ZEB2: variants seen among roughly 807,000 people sequenced by gnomAD.
The protein encoded by ZEB2 is zinc finger E-box-binding homeobox 2.
In ZEB2, 6 loss-of-function variants were observed where a neutral mutation model predicts 99.9. The observed-to-expected ratio is 0.06, with a 90% CI of 0.03 to 0.12. ZEB2 has a LOEUF of 0.12. Ranked by LOEUF, ZEB2 falls within the 10% of genes least tolerant of loss-of-function variation. The probability of loss-of-function intolerance (pLI) is 1.00; values close to 1 mark genes in which losing one functional copy is unlikely to be tolerated. For synonymous variants in ZEB2, 517 were observed against 542.5 expected, an observed-to-expected ratio of 0.95 and a Z score of 0.65; for missense variants, 969 against 1,502.8, an observed-to-expected ratio of 0.64 and a Z score of 5.87.
chr2:144,464,379 T>C (rs1322941761), intron 2 of ZEB2: 1 of 152,184 alleles, frequency 6.6e-6, no homozygotes, highest in Non-Finnish European at 1.5e-5. Flanking sequence ...CATCTTTATA[T>C]ATTTAAATCT....
chr2:144,465,984 A>AG (rs1273069342), intron 2 of ZEB2, among the ~76,000 whole-genome samples: 1 of 152,150 alleles, frequency 6.6e-6, no homozygotes, highest in Non-Finnish European at 1.5e-5. Context: ...CTAACTCTCC[A>AG]GGGCAGAACT....
At chr2:144,469,516 T>C (rs1336677604) in intron 2 of ZEB2, among the ~76,000 whole-genome samples, 1 of 152,176 alleles carries the variant, frequency 6.6e-6, no homozygotes, top group Admixed American at 6.5e-5. Context: ...AGGCTTTTTT[T>C]CCCTTAACCC....
intron 8 of ZEB2, among the ~76,000 whole-genome samples, chr2:144,397,521 G>C (rs1475943164): frequency 6.6e-6 from 1 of 152,186 alleles, no homozygotes. Context: ...GATTTGGTAA[G>C]AAGTCATGTG....
chr2:144,406,911 G>GGAA (rs772558081), intron 4 of ZEB2, among the ~76,000 whole-genome samples: 5 of 151,896 alleles, frequency 3.3e-5, no homozygotes, highest in Non-Finnish European at 5.9e-5. Context: ...TGGAGATGAA[G>GGAA]GAAGTGTCTG....
At chr2:144,510,537 A>T (rs1396421113) in intron 2 of ZEB2, among the ~76,000 whole-genome samples, 5 of 152,150 alleles carry the variant, frequency 3.3e-5, no homozygotes, top group Admixed American at 2.0e-4. Context: ...GGTGGCCATG[A>T]ATAGTACAGA....
chr2:144,400,290 T>G lies in ZEB2; in HGVS notation c.917-20A>C. The G allele has an allele frequency of 1.2e-6, 2 of 1,602,320 alleles. No homozygotes were observed. Among genetic ancestry groups the G allele is most frequent in the South Asian group, 2.2e-5 (2 of 90,830 alleles). On this transcript the variant is annotated intron_variant, in intron 7 of 9. Transcript: ENST00000627532. Reference sequence around the variant, plus strand: ...TTTCACCTAAAATGATAATTAAAATTACCGTTACATTTCCTTGATTAGATA... The same window carrying G: ...TTTCACCTAAAATGATAATTAAAATGACCGTTACATTTCCTTGATTAGATA...
chr2:144,473,878 A>G (rs1444478096), intron 2 of ZEB2, among the ~76,000 whole-genome samples: 2 of 152,228 alleles, frequency 1.3e-5, no homozygotes, highest in Non-Finnish European at 2.9e-5. Flanking sequence ...TCTTTAAAAA[A>G]TAAGATGTAC....
intron 2 of ZEB2, among the ~76,000 whole-genome samples, chr2:144,515,216 AC>A (rs1705111135): frequency 2.0e-5 from 3 of 151,702 alleles, no homozygotes; most frequent in Non-Finnish European, 2.9e-5. Context: ...AAAAAAAATG[AC>A]TGTTTAACAG....
chr2:144,469,557 C>T (rs1425133987), intron 2 of ZEB2, among the ~76,000 whole-genome samples: 1 of 152,084 alleles, frequency 6.6e-6, no homozygotes, highest in East Asian at 1.9e-4. Flanking sequence ...TCCTTCTAAC[C>T]AGAGTTCAGA....
chr2:144,456,432 CTTTCA>C lies in ZEB2; in HGVS notation c.74-26411_74-26407del, dbSNP rs1704122682. 4.6e-5 allele frequency among the ~76,000 whole-genome samples: 7 copies of C among 151,924 alleles called. No homozygotes were observed. In the South Asian group the frequency reaches 1.4e-3, roughly 31 times the overall value. On this transcript the variant is annotated intron_variant, in intron 2 of 9. Coordinates refer to ENST00000627532, the MANE Select transcript of ZEB2 (RefSeq NM_014795.4). ...ATATTCATAAATCCCTTTTTGGATTCTTTCATTTCAATTTTCTTCAAGCAATGAGA... is the reference window on the plus strand; with the variant it reads ...ATATTCATAAATCCCTTTTTGGATTCTTTCAATTTTCTTCAAGCAATGAGA...
At chr2:144,390,086 A>C (rs557561622) in intron 9 of ZEB2, 58 bp from the exon 10 acceptor site, 1 of 1,569,312 alleles carries the variant, frequency 6.4e-7, no homozygotes, top group African/African-American at 1.3e-5. Flanking sequence ...GTCTCTTTCC[A>C]CTAATTCTGT....
chr2:144,459,842 G>A (rs572875773), intron 2 of ZEB2, among the ~76,000 whole-genome samples: 3 of 152,266 alleles, frequency 2.0e-5, no homozygotes, highest in South Asian at 2.1e-4. Context: ...ATCTTGCTAC[G>A]TATGTATTCT....
At chr2:144,441,158 G>A (rs959405512) in intron 2 of ZEB2, among the ~76,000 whole-genome samples, 2 of 50,746 alleles carry the variant, frequency 3.9e-5, no homozygotes, top group Non-Finnish European at 8.4e-5. Flanking sequence ...TCTTCCTTTA[G>A]CTGCACGAGA....
intron 2 of ZEB2, among the ~76,000 whole-genome samples, chr2:144,498,072 T>TTATATATTATATAATATATATTAATAA (rs1704809876): frequency 3.2e-5 from 1 of 31,692 alleles, no homozygotes; most frequent in Non-Finnish European, 7.3e-5. Context: ...TATATTAATA[T>TTATATATTATATAATATATATTAATAA]TATATATTAT....
At chr2:144,512,066 T>A (rs1438838311) in intron 2 of ZEB2, 1 of 1,287,208 alleles carries the variant, frequency 7.8e-7, no homozygotes, top group Non-Finnish European at 1.0e-6. Flanking sequence ...AATTGCCCCC[T>A]TGTGGGAATG....
Position 144,387,187 on chromosome 2 carries a change from A to G in ZEB2, c.*2264T>C, listed in dbSNP as rs1187549991. 1 of 151,988 alleles carries G rather than the reference A, an allele frequency of 6.6e-6. No individual in the cohort carries two copies. The allele number at this position is 151,988 out of a possible 1,614,324, so 9.4% of individuals were successfully genotyped here. ...AATATGTTGTTCTTGCCAACTGGAA[A>G]TATCATACTCAAAATTTTAGCAAAT... On this transcript the variant is annotated 3_prime_UTR_variant, in exon 10 of 10. Transcript: ENST00000627532.
intron 2 of ZEB2, among the ~76,000 whole-genome samples, chr2:144,438,989 A>G (rs1703872011): frequency 6.6e-6 from 1 of 152,156 alleles, no homozygotes; most frequent in Non-Finnish European, 1.5e-5. Context: ...GTACAAAAGG[A>G]AGGGAGTCAG....
intron 4 of ZEB2, among the ~76,000 whole-genome samples, chr2:144,419,251 A>G (rs993924054): frequency 6.6e-6 from 1 of 152,204 alleles, no homozygotes; most frequent in African/African-American, 2.4e-5. Context: ...GAATACTGGA[A>G]ACAAGTTTGA....
intron 4 of ZEB2, among the ~76,000 whole-genome samples, chr2:144,415,061 A>C (rs1289688258): frequency 6.8e-6 from 1 of 147,990 alleles, no homozygotes; most frequent in Admixed American, 6.7e-5. Flanking sequence ...TTTTATTCTT[A>C]CATTTTTTTT....
Sources: gnomAD v4.1 joint callset for allele counts (sites outside exome capture counted in the v4.1 genomes callset) on GRCh38, gnomAD v4.1.1 for gene constraint, MANE v1.5 for transcripts, NCBI Gene and HGNC (gene_info 2026-07-23, HGNC 2026-07-21) for gene names.